Variants in TMEM175 observed in about 807,000 individuals in gnomAD.
The protein encoded by TMEM175 is transmembrane protein 175.
TMEM175 carries 36 observed loss-of-function variants against 36.5 expected under a neutral mutation model. The observed-to-expected ratio is 0.99, with a 90% CI of 0.76 to 1.30. The LOEUF is 1.30. Among genes scored for constraint, TMEM175 ranks in the 50% most tolerant of loss-of-function variants. The pLI, the probability that TMEM175 is intolerant of heterozygous loss-of-function variation, is 0.00. For synonymous variants in TMEM175, 339 were observed against 313.4 expected (o/e 1.08, Z -0.86); for missense variants, 705 against 692.8 (o/e 1.02, Z -0.20).
At chr4:956,228 C>A in intron 10 of TMEM175, 1 of 1,088,222 alleles carries the variant, frequency 9.2e-7, no homozygotes, top group Non-Finnish European at 1.2e-6. Context: ...TGCCCCAGGC[C>A]TCACCCCTGC....
chr4:951,899 A>C, intron 6 of TMEM175, 182 bp downstream of exon 6: 2 of 666,486 alleles, frequency 3.0e-6, no homozygotes, highest in East Asian at 5.5e-5. Context: ...GCTGGCGGGG[A>C]GGGGAGGCAG....
chr4:942,602 A>G (rs1420588713), intron 1 of TMEM175, among the ~76,000 whole-genome samples: 3 of 149,814 alleles, frequency 2.0e-5, no homozygotes, highest in African/African-American at 7.4e-5. Context: ...TTCTTTTTCA[A>G]TATTATTTTG....
intron 1 of TMEM175, among the ~76,000 whole-genome samples, chr4:938,148 T>C (rs1727008521): frequency 6.6e-6 from 1 of 152,234 alleles, no homozygotes; most frequent in African/African-American, 2.4e-5. Flanking sequence ...GCTGGCTGTC[T>C]GATCTCACCA....
chr4:957,957 G>T lies in TMEM175; in HGVS notation c.976G>T (p.Ala326Ser). Residue 326 changes from alanine (A) to serine (S), a missense_variant, in exon 11 of 11, where the codon GCC (alanine) becomes TCC (serine). By Grantham distance (99) the Ala-to-Ser change is moderately conservative. Coordinates refer to ENST00000264771, the MANE Select transcript of TMEM175 (RefSeq NM_032326.4). ...SFATVGLLWFAHHSLFLHVRK... is the reference protein window; with the variant it reads ...SFATVGLLWFSHHSLFLHVRK... ...CGCCACAGTGGGACTGCTGTGGTTC[G>T]CCCACCACTCACTCTTCCTGCATGT... The T allele has an allele frequency of 6.2e-7, 1 of 1,612,680 alleles. No individual in the cohort carries two copies. Among genetic ancestry groups the T allele is most frequent in the Non-Finnish European group, 8.5e-7 (1 of 1,179,934 alleles).
rs112681681 is a variant in TMEM175, at chr4:941,835, C to G, written c.-31-5874C>G. On this transcript the variant is annotated intron_variant, in intron 1 of 10. Coordinates refer to ENST00000264771, the MANE Select transcript of TMEM175 (RefSeq NM_032326.4). ...CTATAATCCCAGCTACTTGGGAGGC[C>G]GAGGCAGGAGAATTGCTAGAGCCCA... Among the ~76,000 whole-genome samples, 42 of 151,838 alleles carry G rather than the reference C, an allele frequency of 2.8e-4. 2 individuals are homozygous for G. The highest frequency in any genetic ancestry group is 9.4e-4 in the African/African-American group (39 of 41,404).
chr4:953,377 G>A (rs1729211512), intron 8 of TMEM175, 23 bp downstream of exon 8: 2 of 1,583,896 alleles, frequency 1.3e-6, no homozygotes, highest in South Asian at 2.3e-5. Context: ...ACAGCCCGTG[G>A]GGCCCAGGCA....
At chr4:935,940 A>C (rs1726729434) in intron 1 of TMEM175, among the ~76,000 whole-genome samples, 1 of 152,252 alleles carries the variant, frequency 6.6e-6, no homozygotes, top group South Asian at 2.1e-4. Context: ...AAAGGAAATT[A>C]GAAAGTATTT....
At chr4:954,370 G>T (rs559143510) in intron 8 of TMEM175, among the ~76,000 whole-genome samples, 13 of 152,326 alleles carry the variant, frequency 8.5e-5, no homozygotes, top group African/African-American at 2.6e-4. Context: ...AGCCCCTGGG[G>T]ATAAGACCAG....
chr4:956,236 T>A (rs2153005215), intron 10 of TMEM175: 489 of 807,380 alleles, frequency 6.1e-4, no homozygotes, highest in Middle Eastern at 8.2e-4. Context: ...GCCTCACCCC[T>A]GCCCCAACAC....
At position 948,532 on chromosome 4, in the gene TMEM175, T is replaced by C. The variant is rs746462273; in HGVS notation, c.192+378T>C. 12 of 1,371,724 alleles carry C rather than the reference T, an allele frequency of 8.7e-6. No homozygotes were observed. The South Asian group carries it at 1.3e-4, about 15-fold the overall frequency. 85.0% of individuals were successfully genotyped at this position (1,371,724 alleles called of 1,614,324 possible). On this transcript the variant is annotated intron_variant, in intron 3 of 10. Transcript: ENST00000264771. ...GCAGCTGCCCCAGCAGGCAGGCCCC[T>C]TACGTAGCTGCTCTGAGTAAACGCG... is the stretch of plus-strand genomic sequence containing the variant.
chr4:948,577 G>C, intron 3 of TMEM175: 3 of 1,318,116 alleles, frequency 2.3e-6, no homozygotes, highest in Non-Finnish European at 3.0e-6. Flanking sequence ...CCGTCTCAGC[G>C]GGGACACTCC....
At position 948,470 on chromosome 4, in the gene TMEM175, G is replaced by A; in HGVS notation, c.192+316G>A. 2.7e-6 allele frequency: 4 copies of A among 1,457,638 alleles called. No homozygotes were observed. In the South Asian group the frequency reaches 4.9e-5, roughly 18 times the overall value. The allele number at this position is 1,457,638 out of a possible 1,614,324, so 90.3% of individuals were successfully genotyped here. On this transcript the variant is annotated intron_variant, in intron 3 of 10. Transcript: ENST00000264771. ...GACAGGTTGGAAGAGGAAGGTTCCG[G>A]GCCTGCCCCAAGGACAGAAGTTTCC... is the stretch of plus-strand genomic sequence containing the variant.
intron 3 of TMEM175, among the ~76,000 whole-genome samples, chr4:950,059 A>G (rs531381678): frequency 6.6e-6 from 1 of 152,202 alleles, no homozygotes; most frequent in East Asian, 1.9e-4. Flanking sequence ...GGCGGAGTCC[A>G]CAGCAGACAC....
intron 3 of TMEM175, among the ~76,000 whole-genome samples, chr4:949,191 A>G (rs937359083): frequency 1.3e-5 from 2 of 152,146 alleles, no homozygotes; most frequent in African/African-American, 4.8e-5. Context: ...GGCCACATCC[A>G]CCTGTGATGC....
intron 7 of TMEM175, among the ~76,000 whole-genome samples, 178 bp downstream of exon 7, chr4:952,628 CTGTGTGTGTG>C (rs35529704): frequency 1.6e-4 from 18 of 114,918 alleles, no homozygotes; most frequent in South Asian, 6.2e-4. Context: ...GGGTCCTGTG[CTGTGTGTGTG>C]TGTGTGTGTG....
intron 1 of TMEM175, among the ~76,000 whole-genome samples, chr4:942,439 G>T (rs1463821652): frequency 6.6e-6 from 1 of 152,096 alleles, no homozygotes; most frequent in Admixed American, 6.5e-5. Context: ...TTTTCCCATC[G>T]AGTGGTCTCG....
In TMEM175 at chr4:932,637, C is replaced by T; in HGVS notation, c.-32+97C>T. On this transcript the variant is annotated intron_variant, in intron 1 of 10. Coordinates refer to ENST00000264771, the MANE Select transcript of TMEM175 (RefSeq NM_032326.4). The surrounding 1 kb of genome is among the most constrained non-coding windows in gnomAD (Gnocchi z 4.0). ...AGGTGTCTCCGGTTTAAGCGCTTCG[C>T]CATCCTCTGGGTGGAGTCAGCCTCC... 2.9e-6 allele frequency: 1 copy of T among 348,550 alleles called. No homozygotes were observed. The highest frequency in any genetic ancestry group is 5.2e-6 in the Non-Finnish European group (1 of 194,048). The allele number at this position is 348,550 out of a possible 1,614,324, so 21.6% of individuals were successfully genotyped here. A position where few individuals can be genotyped will look rare whatever the true frequency, so the allele number is the denominator to read the frequency against.
At chr4:955,279 A>C in intron 8 of TMEM175, 126 bp from the exon 9 acceptor site, 2 of 693,684 alleles carry the variant, frequency 2.9e-6, no homozygotes, top group Non-Finnish European at 5.1e-6. Context: ...AGGCCCCATC[A>C]GATACATGAT....
chr4:955,728 A>C, intron 9 of TMEM175, 27 bp from the exon 10 acceptor site: 1 of 1,606,696 alleles, frequency 6.2e-7, no homozygotes. Flanking sequence ...GGGTTTGGCC[A>C]GCTCCACCCT....
Sources: gnomAD v4.1 joint callset for allele counts (sites outside exome capture counted in the v4.1 genomes callset) on GRCh38, gnomAD v4.1.1 for gene constraint, Gnocchi (gnomAD v3.1) non-coding constraint, MANE v1.5 for transcripts, NCBI Gene and HGNC (gene_info 2026-07-23, HGNC 2026-07-21) for gene names.